The following GRID2 variants were observed in gnomAD, a reference collection of about 807,000 sequenced individuals.
The protein encoded by GRID2 is glutamate receptor ionotropic, delta-2.
A neutral mutation model predicts 114.8 loss-of-function variants in GRID2; 33 were observed. The ratio of observed to expected loss-of-function variants is 0.29; its 90% CI spans 0.22 to 0.38. The LOEUF is 0.38. Ranked by LOEUF, GRID2 falls within the 10% of genes least tolerant of loss-of-function variation. The pLI is 1.00. For missense variants in GRID2, 1,184 were observed against 1,257.7 expected, an observed-to-expected ratio of 0.94 and a Z score of 0.89; for synonymous variants, 505 against 449.9, an observed-to-expected ratio of 1.12 and a Z score of -1.55.
chr4:92,573,281 T>C (rs1727720672), intron 1 of GRID2, among the ~76,000 whole-genome samples: 1 of 152,116 alleles, frequency 6.6e-6, no homozygotes, highest in African/African-American at 2.4e-5. Context: ...TGGATTTCAG[T>C]TTTCGAAGGG....
chr4:93,649,757 G>A (rs1317019311), intron 14 of GRID2, among the ~76,000 whole-genome samples: 1 of 152,122 alleles, frequency 6.6e-6, no homozygotes, highest in African/African-American at 2.4e-5. Context: ...GCCTGACAGA[G>A]TTAGAGTTAC....
intron 4 of GRID2, among the ~76,000 whole-genome samples, chr4:93,192,528 G>A (rs1488062479): frequency 6.6e-6 from 1 of 151,976 alleles, no homozygotes; most frequent in Non-Finnish European, 1.5e-5. Context: ...GATTACCTAA[G>A]GTCAGGAGTT....
intron 8 of GRID2, among the ~76,000 whole-genome samples, chr4:93,339,105 T>A (rs1190948753): frequency 1.3e-5 from 2 of 152,162 alleles, no homozygotes; most frequent in Non-Finnish European, 1.5e-5. Context: ...CTGGAGGCAT[T>A]GCTTCATGTT....
chr4:93,345,382 A>G (rs1317217634), intron 8 of GRID2, among the ~76,000 whole-genome samples: 1 of 151,974 alleles, frequency 6.6e-6, no homozygotes, highest in African/African-American at 2.4e-5. Context: ...TTTAATTTGC[A>G]TTCCCTGAAT....
chr4:92,857,799 C>T (rs1447223822), intron 2 of GRID2, among the ~76,000 whole-genome samples: 1 of 152,156 alleles, frequency 6.6e-6, no homozygotes, highest in African/African-American at 2.4e-5. Flanking sequence ...GATAAACATG[C>T]TATCTAGGAC....
At chr4:93,124,072 A>G (rs2149365747) in intron 4 of GRID2, among the ~76,000 whole-genome samples, 1 of 151,112 alleles carries the variant, frequency 6.6e-6, no homozygotes, top group African/African-American at 2.4e-5. Context: ...TAACCTGCAC[A>G]ATGTGCACAT....
intron 2 of GRID2, among the ~76,000 whole-genome samples, chr4:92,633,013 T>A (rs1417542399): frequency 6.6e-6 from 1 of 152,138 alleles, no homozygotes; most frequent in Admixed American, 6.5e-5. Flanking sequence ...ATGAGACAGA[T>A]GTAGCACCAA....
intron 9 of GRID2, among the ~76,000 whole-genome samples, chr4:93,419,235 A>G (rs766445334): frequency 6.6e-6 from 1 of 151,918 alleles, no homozygotes; most frequent in Non-Finnish European, 1.5e-5. Context: ...TGAGAGTAAT[A>G]TCTATGACTT....
intron 3 of GRID2, among the ~76,000 whole-genome samples, chr4:93,101,604 T>C (rs1731715605): frequency 6.6e-6 from 1 of 152,146 alleles, no homozygotes; most frequent in Non-Finnish European, 1.5e-5. Context: ...TAAATTCTAA[T>C]ATTTCCTAGG....
intron 2 of GRID2, among the ~76,000 whole-genome samples, chr4:92,977,789 G>A (rs982140567): frequency 2.0e-5 from 3 of 152,066 alleles, no homozygotes; most frequent in Non-Finnish European, 4.4e-5. Flanking sequence ...CAAGATAAAA[G>A]GAAATCAAGG....
intron 11 of GRID2, among the ~76,000 whole-genome samples, chr4:93,468,390 A>ATAAG (rs1724491688): frequency 6.6e-6 from 1 of 152,024 alleles, no homozygotes; most frequent in Non-Finnish European, 1.5e-5. Context: ...AAATAAATAA[A>ATAAG]CTACATATAT....
chr4:92,599,028 C>CTTTTT (rs79836874), intron 2 of GRID2, among the ~76,000 whole-genome samples: 14 of 115,268 alleles, frequency 1.2e-4, no homozygotes, highest in Admixed American at 1.7e-4. Context: ...AATGCTTTTC[C>CTTTTT]TTTTTTTTTT....
rs1041571095 is a variant in GRID2, at chr4:93,408,032, T to C, written c.1347+12324T>C. On this transcript the variant is annotated intron_variant, in intron 9 of 15. Coordinates refer to ENST00000282020, the MANE Select transcript of GRID2 (RefSeq NM_001510.4). ...AGCTAGGATGGTGTTCTGAGCCAAA[T>C]GTAATCTCCAAGACCATGGTCAGTA... is the stretch of plus-strand genomic sequence containing the variant. 3.9e-5 allele frequency among the ~76,000 whole-genome samples: 6 copies of C among 152,116 alleles called. No individual in the cohort carries two copies. In the East Asian group the frequency reaches 9.6e-4, roughly 24 times the overall value.
chr4:93,253,093 C>CAAAAAA (rs34432102), intron 8 of GRID2, among the ~76,000 whole-genome samples: 1 of 142,480 alleles, frequency 7.0e-6, no homozygotes, highest in African/African-American at 2.6e-5. Context: ...ACTAAAAATA[C>CAAAAAA]AAAAAAAAAA....
chr4:93,385,905 A>C (rs1764269299), intron 8 of GRID2, among the ~76,000 whole-genome samples: 1 of 152,192 alleles, frequency 6.6e-6, no homozygotes, highest in South Asian at 2.1e-4. Flanking sequence ...TCTTTCAAAA[A>C]TATCTTCCTT....
intron 8 of GRID2, among the ~76,000 whole-genome samples, chr4:93,275,393 A>G (rs749927635): frequency 3.5e-4 from 52 of 150,194 alleles, no homozygotes; most frequent in African/African-American, 1.3e-3. Flanking sequence ...GCAAGATTTT[A>G]TGAGGACATA....
chr4:93,088,640 T>C (rs1418129492), intron 3 of GRID2, among the ~76,000 whole-genome samples: 2 of 152,062 alleles, frequency 1.3e-5, no homozygotes, highest in African/African-American at 4.8e-5. Flanking sequence ...CCCCTACCAA[T>C]AGACAGTGTG....
chr4:92,731,359 C>A (rs1386912118), intron 2 of GRID2, among the ~76,000 whole-genome samples: 3 of 151,668 alleles, frequency 2.0e-5, no homozygotes, highest in African/African-American at 4.8e-5. Context: ...CAACCTAATA[C>A]CAATACCTAA....
chr4:92,536,034 T>C (rs1725606761), intron 1 of GRID2, among the ~76,000 whole-genome samples: 1 of 151,866 alleles, frequency 6.6e-6, no homozygotes. Context: ...ACCCAAAGAG[T>C]GAGCAGCATT....
Sources: allele counts gnomAD v4.1 joint callset (sites outside exome capture counted in the v4.1 genomes callset), GRCh38; gene constraint gnomAD v4.1.1; transcripts MANE v1.5; gene names NCBI Gene and HGNC (gene_info 2026-07-23, HGNC 2026-07-21).